ARL15: variants seen among roughly 807,000 people sequenced by gnomAD.
ARL15 encodes ARF like GTPase 15.
ARL15 carries 19 observed loss-of-function variants against 25.2 expected under a neutral mutation model. That is an observed-to-expected ratio of 0.75 (90% CI 0.53 to 1.10). The LOEUF (loss-of-function observed/expected upper bound fraction) is 1.10. Among genes scored for constraint, ARL15 ranks in the 50% least tolerant of loss-of-function variants. ARL15 has a pLI of 0.00. For synonymous variants in ARL15, 94 were observed against 86.8 expected (o/e 1.08, Z -0.46); for missense variants, 220 against 246.0 (o/e 0.89, Z 0.71).
At chr5:54,249,917 C>A (rs935943839) in intron 1 of ARL15, among the ~76,000 whole-genome samples, 16 of 152,248 alleles carry the variant, frequency 1.1e-4, no homozygotes, top group African/African-American at 3.9e-4. Context: ...CTCAAGGGTC[C>A]TGTGGAGAAT....
intron 1 of ARL15, among the ~76,000 whole-genome samples, chr5:54,288,159 C>A (rs760162791): frequency 3.3e-5 from 5 of 152,170 alleles, no homozygotes; most frequent in Non-Finnish European, 7.3e-5. Context: ...AGAGAGAAAT[C>A]AGTATGTGAA....
At chr5:53,930,323 A>G (rs570554604) in intron 4 of ARL15, among the ~76,000 whole-genome samples, 1 of 152,226 alleles carries the variant, frequency 6.6e-6, no homozygotes, top group Admixed American at 6.5e-5. Context: ...TCCTGTTACT[A>G]AAAACCTGCC....
At chr5:54,131,518 T>A (rs984692080) in intron 3 of ARL15, among the ~76,000 whole-genome samples, 1 of 152,152 alleles carries the variant, frequency 6.6e-6, no homozygotes, top group Non-Finnish European at 1.5e-5. Context: ...TAATCTTTTT[T>A]CCCCCACTAA....
chr5:53,895,793 T>C (rs1744852463), intron 4 of ARL15, among the ~76,000 whole-genome samples: 1 of 152,238 alleles, frequency 6.6e-6, no homozygotes, highest in Admixed American at 6.5e-5. Flanking sequence ...TAATTCCATT[T>C]ATAAGTTTAA....
chr5:54,178,111 G>C (rs1199951662), intron 1 of ARL15, among the ~76,000 whole-genome samples: 1 of 152,118 alleles, frequency 6.6e-6, no homozygotes, highest in African/African-American at 2.4e-5. Flanking sequence ...GAACAGCAAA[G>C]TTGTCCTACA....
intron 4 of ARL15, among the ~76,000 whole-genome samples, chr5:54,009,754 C>T (rs562149920): frequency 6.6e-6 from 1 of 152,304 alleles, no homozygotes; most frequent in South Asian, 2.1e-4. Flanking sequence ...GGCTCAATAT[C>T]AGCCTCATTT....
chr5:53,891,916 C>A (rs1236911560), intron 4 of ARL15, among the ~76,000 whole-genome samples: 3 of 152,172 alleles, frequency 2.0e-5, no homozygotes, highest in African/African-American at 4.8e-5. Flanking sequence ...ACTGAAGACA[C>A]GATGCTGCAA....
intron 2 of ARL15, among the ~76,000 whole-genome samples, chr5:54,161,526 C>T (rs806701): frequency 0.28 from 42,882 of 152,056 alleles, 7,169 homozygotes; most frequent in East Asian, 0.82. Context: ...GTTTACTTAT[C>T]TATTCTCTAG....
At chr5:54,242,636 C>T (rs1289065509) in intron 1 of ARL15, among the ~76,000 whole-genome samples, 2 of 152,184 alleles carry the variant, frequency 1.3e-5, no homozygotes, top group Non-Finnish European at 2.9e-5. Flanking sequence ...GAGCTCCCGG[C>T]AGCCATCTTG....
intron 1 of ARL15, among the ~76,000 whole-genome samples, chr5:54,296,652 A>C (rs1284107127): frequency 1.3e-5 from 2 of 152,228 alleles, no homozygotes; most frequent in African/African-American, 4.8e-5. Context: ...GGTTATGGCT[A>C]GCACATTAGG....
chr5:54,284,070 C>G (rs1485090305), intron 1 of ARL15, among the ~76,000 whole-genome samples: 1 of 152,188 alleles, frequency 6.6e-6, no homozygotes, highest in East Asian at 1.9e-4. Context: ...ATTCCCTCCT[C>G]TTCCAGACTT....
intron 4 of ARL15, among the ~76,000 whole-genome samples, chr5:54,062,827 T>C (rs1251507970): frequency 2.0e-5 from 3 of 152,102 alleles, no homozygotes; most frequent in Admixed American, 2.0e-4. Flanking sequence ...AAATGGGGAA[T>C]GGCATTCCTC....
At chr5:54,093,855 C>T (rs751433937) in intron 4 of ARL15, among the ~76,000 whole-genome samples, 5 of 152,140 alleles carry the variant, frequency 3.3e-5, no homozygotes, top group Admixed American at 2.0e-4. Context: ...GTTTAGAATG[C>T]ATCCTGATGA....
chr5:53,917,142 G>GAA (rs145631643), intron 4 of ARL15, among the ~76,000 whole-genome samples: 2,020 of 152,266 alleles, frequency 0.013, 54 homozygotes, highest in African/African-American at 0.045. Flanking sequence ...GCAGATAAGG[G>GAA]AAAGTGGATA....
chr5:53,976,277 A>C (rs989902645), intron 4 of ARL15, among the ~76,000 whole-genome samples: 8 of 152,184 alleles, frequency 5.3e-5, no homozygotes, highest in African/African-American at 1.9e-4. Flanking sequence ...TCTAGAGTAG[A>C]AAGGAAGTAC....
At chr5:54,058,195 G>A (rs1475759999) in intron 4 of ARL15, among the ~76,000 whole-genome samples, 2 of 151,758 alleles carry the variant, frequency 1.3e-5, no homozygotes, top group African/African-American at 2.4e-5. Context: ...TAGTAGAGAT[G>A]GGGTTTCACC....
chr5:53,951,470 C>T (rs1158757766), intron 4 of ARL15: 3 of 469,566 alleles, frequency 6.4e-6, no homozygotes, highest in Non-Finnish European at 1.3e-5. Flanking sequence ...TTCTTGCATA[C>T]TCAAACAGAT....
chr5:54,163,355 G>GTTTTTTTTTTTTTTT lies in ARL15; in HGVS notation c.193+8428_193+8429insAAAAAAAAAAAAAAA, dbSNP rs1754465268. Reference sequence around the variant, plus strand: ...TGTCCATGAGGGCTATTGGTATGAAGCTTTTTTTTTTTTTTTTTTTTTTTT... The same window carrying GTTTTTTTTTTTTTTT: ...TGTCCATGAGGGCTATTGGTATGAAGTTTTTTTTTTTTTTTCTTTTTTTTTTTTTTTTTTTTTTTT... On this transcript the variant is annotated intron_variant, in intron 2 of 4. Transcript: ENST00000504924. Among the ~76,000 whole-genome samples the GTTTTTTTTTTTTTTT allele has an allele frequency of 5.3e-3, 273 of 51,340 alleles. 115 individuals are homozygous for GTTTTTTTTTTTTTTT. Among genetic ancestry groups the GTTTTTTTTTTTTTTT allele is most frequent in the African/African-American group, 0.014 (166 of 12,088 alleles). 33.7% of individuals were successfully genotyped at this position (51,340 alleles called of 152,430 possible). A position where few individuals can be genotyped will look rare whatever the true frequency, so the allele number is the denominator to read the frequency against.
intron 1 of ARL15, among the ~76,000 whole-genome samples, chr5:54,234,354 T>A (rs916818008): frequency 2.0e-5 from 3 of 152,076 alleles, no homozygotes; most frequent in Non-Finnish European, 4.4e-5. Flanking sequence ...GCTAGAACAT[T>A]AAATATCAAT....
Sources: gnomAD v4.1 joint callset for allele counts (sites outside exome capture counted in the v4.1 genomes callset) on GRCh38, gnomAD v4.1.1 for gene constraint, MANE v1.5 for transcripts, NCBI Gene and HGNC (gene_info 2026-07-23, HGNC 2026-07-21) for gene names.